The following POU6F2 variants were observed in gnomAD, a reference collection of about 807,000 sequenced individuals.
POU6F2 encodes POU domain, class 6, transcription factor 2.
POU6F2 carries 31 observed loss-of-function variants against 71.3 expected under a neutral mutation model. That is an observed-to-expected ratio of 0.43 (90% CI 0.33 to 0.59). The LOEUF is 0.59. Among genes scored for constraint, POU6F2 ranks in the 20% least tolerant of loss-of-function variants. The probability of loss-of-function intolerance (pLI) is 0.04; values close to 1 mark genes in which losing one functional copy is unlikely to be tolerated. For synonymous variants in POU6F2, 347 were observed against 355.7 expected (o/e 0.98, Z 0.27); for missense variants, 783 against 856.8 (o/e 0.91, Z 1.07).
intron 1 of POU6F2, among the ~76,000 whole-genome samples, chr7:39,019,190 G>A (rs58260455): frequency 0.17 from 25,493 of 152,030 alleles, 2,541 homozygotes; most frequent in Non-Finnish European, 0.23. Flanking sequence ...ACTTTATTTT[G>A]TCTCTACTCT....
intron 2 of POU6F2, among the ~76,000 whole-genome samples, chr7:39,150,189 C>T (rs936401931): frequency 6.7e-6 from 1 of 149,996 alleles, no homozygotes; most frequent in African/African-American, 2.5e-5. Flanking sequence ...CCGGACCCAG[C>T]CGCAAGATTT....
rs114880270 is a variant in POU6F2 at position 39,191,624 on chromosome 7, T to C, written c.278-12611T>C. 1.0e-3 allele frequency among the ~76,000 whole-genome samples: 155 copies of C among 152,308 alleles called. 1 individual carries two copies. In the Middle Eastern group the frequency reaches 0.01, roughly 10 times the overall value. On this transcript the variant is annotated intron_variant, in intron 2 of 9. Coordinates refer to ENST00000518318, the MANE Select transcript of POU6F2 (RefSeq NM_001370959.1). Reference sequence around the variant, plus strand: ...TCATGTAATGGTGTTAAAATAATGATAAAAAATAATCTGAACAAGTTCTGT... The same window carrying C: ...TCATGTAATGGTGTTAAAATAATGACAAAAAATAATCTGAACAAGTTCTGT...
At chr7:39,004,358 T>C (rs1291416522) in intron 1 of POU6F2, among the ~76,000 whole-genome samples, 1 of 152,252 alleles carries the variant, frequency 6.6e-6, no homozygotes. Flanking sequence ...CAGTCAACTC[T>C]ACTCAGTTGG....
intron 2 of POU6F2, among the ~76,000 whole-genome samples, chr7:39,193,653 A>G (rs1793716096): frequency 6.6e-6 from 1 of 152,250 alleles, no homozygotes; most frequent in Non-Finnish European, 1.5e-5. Context: ...AGATTTAATG[A>G]GAAAACAGAT....
chr7:39,406,556 G>A (rs1787433533), intron 5 of POU6F2, 44 bp from the exon 6 acceptor site: 1 of 1,601,142 alleles, frequency 6.2e-7, no homozygotes, highest in Non-Finnish European at 8.5e-7. Context: ...TGCTGTGCCT[G>A]TGCCTCTCGG....
rs1384893187 is a variant in POU6F2, at chr7:39,117,507, A to AGCAGGAAAG, written c.277+31477_277+31485dup. 5.9e-5 allele frequency among the ~76,000 whole-genome samples: 9 copies of AGCAGGAAAG among 152,338 alleles called. No homozygotes were observed. In the East Asian group the frequency reaches 1.5e-3, roughly 26 times the overall value. On this transcript the variant is annotated intron_variant, in intron 2 of 9. Coordinates refer to ENST00000518318, the MANE Select transcript of POU6F2 (RefSeq NM_001370959.1). ...ACATAAACCTACGAGGACAAAGAGGAGCAGGAAAGAGATGACCCTGAACAA... is the reference window on the plus strand; with the variant it reads ...ACATAAACCTACGAGGACAAAGAGGAGCAGGAAAGGCAGGAAAGAGATGACCCTGAACAA...
At chr7:39,407,345 T>C (rs1228129139) in intron 6 of POU6F2, among the ~76,000 whole-genome samples, 2 of 151,630 alleles carry the variant, frequency 1.3e-5, no homozygotes, top group African/African-American at 4.9e-5. Context: ...CTTGTTGATT[T>C]ACTTCAGTAT....
chr7:39,198,465 G>T (rs1432088175), intron 2 of POU6F2, among the ~76,000 whole-genome samples: 1 of 152,136 alleles, frequency 6.6e-6, no homozygotes, highest in Non-Finnish European at 1.5e-5. Flanking sequence ...AAGAAAGCTG[G>T]ACTTCCTTCT....
chr7:39,351,853 A>C (rs1486224887), intron 5 of POU6F2, among the ~76,000 whole-genome samples: 1 of 152,242 alleles, frequency 6.6e-6, no homozygotes, highest in Non-Finnish European at 1.5e-5. Flanking sequence ...ACTCAGATCT[A>C]TCTGATGTCA....
At chr7:39,355,069 G>A (rs1786224568) in intron 5 of POU6F2, among the ~76,000 whole-genome samples, 1 of 152,168 alleles carries the variant, frequency 6.6e-6, no homozygotes, top group South Asian at 2.1e-4. Context: ...TTAAAATGAG[G>A]ATCCCTTGAA....
chr7:39,233,104 C>T (rs1794605393), intron 4 of POU6F2, among the ~76,000 whole-genome samples: 1 of 151,916 alleles, frequency 6.6e-6, no homozygotes, highest in South Asian at 2.1e-4. Context: ...TTTTATTAAC[C>T]ACTTATCCTA....
At chr7:39,210,237 C>T (rs1794111684) in intron 4 of POU6F2, among the ~76,000 whole-genome samples, 1 of 152,172 alleles carries the variant, frequency 6.6e-6, no homozygotes, top group African/African-American at 2.4e-5. Flanking sequence ...GAAGCACAGC[C>T]TGTTACCATG....
At chr7:39,274,535 C>T (rs1181148778) in intron 4 of POU6F2, among the ~76,000 whole-genome samples, 3 of 133,474 alleles carry the variant, frequency 2.2e-5, no homozygotes, top group African/African-American at 8.3e-5. Flanking sequence ...AGGGAATCCT[C>T]CCTAACTCAT....
chr7:39,083,730 G>T (rs1791175974), intron 1 of POU6F2: 2 of 152,070 alleles, frequency 1.3e-5, no homozygotes, highest in African/African-American at 4.8e-5. Flanking sequence ...CGACCGCATT[G>T]ATTACATTGA....
rs189381442 is a variant in POU6F2 at position 39,321,841 on chromosome 7, G to A, written c.599-17801G>A. 9.6e-4 allele frequency among the ~76,000 whole-genome samples: 146 copies of A among 152,022 alleles called. 1 individual carries two copies. The East Asian group carries it at 0.017, about 18-fold the overall frequency. The stretch of plus-strand genomic sequence containing the variant: ...GGGAGAGGGAGAAAGAGAAGTAGGG[G>A]AGGAGGGAGCTATACTTTAAGAATA... On this transcript the variant is annotated intron_variant, in intron 4 of 9. Transcript: ENST00000518318.
chr7:39,457,230 G>A (rs1424930294), intron 8 of POU6F2, among the ~76,000 whole-genome samples: 3 of 152,184 alleles, frequency 2.0e-5, no homozygotes, highest in African/African-American at 7.2e-5. Context: ...CGAATCCTGT[G>A]CCAGTGTCTG....
intron 7 of POU6F2, among the ~76,000 whole-genome samples, chr7:39,435,755 G>T (rs1482607598): frequency 6.6e-6 from 1 of 152,100 alleles, no homozygotes; most frequent in Non-Finnish European, 1.5e-5. Flanking sequence ...GGTTTTTATG[G>T]TGTGGGGTTT....
At chr7:39,173,575 G>A (rs1793268955) in intron 2 of POU6F2, among the ~76,000 whole-genome samples, 1 of 152,168 alleles carries the variant, frequency 6.6e-6, no homozygotes, top group African/African-American at 2.4e-5. Flanking sequence ...CTTTCATCTT[G>A]TCACTGTTTT....
chr7:39,037,512 G>A (rs186029556), intron 1 of POU6F2, among the ~76,000 whole-genome samples: 1 of 151,686 alleles, frequency 6.6e-6, no homozygotes, highest in East Asian at 1.9e-4. Flanking sequence ...CTTCTTTTTT[G>A]TCTTAATTTT....
Sources: gnomAD v4.1 joint callset for allele counts (sites outside exome capture counted in the v4.1 genomes callset) on GRCh38, gnomAD v4.1.1 for gene constraint, MANE v1.5 for transcripts, NCBI Gene and HGNC (gene_info 2026-07-23, HGNC 2026-07-21) for gene names.